The following RBFOX1 variants were observed in gnomAD, a reference collection of about 807,000 sequenced individuals.
RBFOX1 encodes RNA binding protein fox-1 homolog 1.
Under a neutral mutation model 57.7 loss-of-function variants are expected in RBFOX1, and 8 were observed. The observed-to-expected ratio is 0.14, with a 90% CI of 0.08 to 0.25. RBFOX1 has a LOEUF of 0.25. Among genes scored for constraint, RBFOX1 ranks in the 10% least tolerant of loss-of-function variants. The pLI is 1.00. For synonymous variants in RBFOX1, 326 were observed against 222.4 expected (o/e 1.47, Z -4.15); for missense variants, 611 against 548.5 (o/e 1.11, Z -1.14).
intron 2 of RBFOX1, among the ~76,000 whole-genome samples, chr16:6,350,444 G>GAAAAAAAAAAAAAAAAAAAA (rs569363563): frequency 6.7e-5 from 5 of 74,618 alleles, no homozygotes; most frequent in Admixed American, 1.6e-4. Context: ...TCTGTCTCAA[G>GAAAAAAAAAAAAAAAAAAAA]AAAAAAAAAA....
chr16:6,659,562 C>T (rs1056054175), intron 3 of RBFOX1, among the ~76,000 whole-genome samples: 1 of 152,136 alleles, frequency 6.6e-6, no homozygotes, highest in Non-Finnish European at 1.5e-5. Flanking sequence ...GAAGCTCAGG[C>T]ACATTTAAGT....
At chr16:6,902,094 A>G (rs995312850) in intron 3 of RBFOX1, among the ~76,000 whole-genome samples, 2 of 152,184 alleles carry the variant, frequency 1.3e-5, no homozygotes, top group Non-Finnish European at 2.9e-5. Flanking sequence ...ATATTTGTCT[A>G]CATAAAATCA....
intron 2 of RBFOX1, among the ~76,000 whole-genome samples, chr16:6,482,486 T>C (rs933905939): frequency 6.6e-6 from 1 of 152,254 alleles, no homozygotes; most frequent in African/African-American, 2.4e-5. Flanking sequence ...GAAATAGATC[T>C]ATGAGGACTT....
chr16:6,840,737 A>T (rs951231470), intron 3 of RBFOX1, among the ~76,000 whole-genome samples: 1 of 151,952 alleles, frequency 6.6e-6, no homozygotes, highest in Non-Finnish European at 1.5e-5. Flanking sequence ...AAATACAAAA[A>T]TTAGATCAGT....
chr16:6,972,692 G>A (rs1328219688), intron 3 of RBFOX1, among the ~76,000 whole-genome samples: 1 of 152,140 alleles, frequency 6.6e-6, no homozygotes, highest in Non-Finnish European at 1.5e-5. Flanking sequence ...GGCTGGCCTT[G>A]ATAGAGATGG....
chr16:5,858,624 C>G (rs2057130413), intron 3 of RBFOX1, among the ~76,000 whole-genome samples: 1 of 152,176 alleles, frequency 6.6e-6, no homozygotes, highest in Non-Finnish European at 1.5e-5. Flanking sequence ...AATTTTCAAG[C>G]AAGTGCATGT....
At chr16:6,594,936 G>A (rs1241847150) in intron 2 of RBFOX1, among the ~76,000 whole-genome samples, 3 of 152,048 alleles carry the variant, frequency 2.0e-5, no homozygotes, top group South Asian at 2.1e-4. Flanking sequence ...CTACAGGTGC[G>A]TGCCACCACA....
intron 1 of RBFOX1, among the ~76,000 whole-genome samples, chr16:6,202,863 C>T (rs973684073): frequency 7.2e-5 from 11 of 152,140 alleles, no homozygotes; most frequent in East Asian, 3.9e-4. Flanking sequence ...TCAGAGCTCA[C>T]GGCAGCTCAA....
chr16:5,585,258 T>C (rs1184717013), intron 2 of RBFOX1, among the ~76,000 whole-genome samples: 1 of 152,228 alleles, frequency 6.6e-6, no homozygotes, highest in African/African-American at 2.4e-5. Flanking sequence ...AGTAAAATTA[T>C]GCAATGTATG....
Position 7,023,564 on chromosome 16 carries a change from T to TAAAAAAAAAAAA in RBFOX1, c.-15-28474_-15-28463dup, listed in dbSNP as rs34056673. Among the ~76,000 whole-genome samples the TAAAAAAAAAAAA allele has an allele frequency of 1.2e-3, 53 of 43,928 alleles. 4 individuals carry two copies. Among genetic ancestry groups the TAAAAAAAAAAAA allele is most frequent in the Non-Finnish European group, 1.3e-3 (33 of 24,498 alleles). The allele number at this position is 43,928 out of a possible 152,430, so 28.8% of individuals were successfully genotyped here. A position where few individuals can be genotyped will look rare whatever the true frequency, so the allele number is the denominator to read the frequency against. On this transcript the variant is annotated intron_variant, in intron 3 of 15. Coordinates refer to ENST00000550418, the MANE Select transcript of RBFOX1 (RefSeq NM_018723.4). ...CAACATGGTGAAACTTCGTCTGTAC[T>TAAAAAAAAAAAA]AAAAAAAAAAAAAAAAAAAAAAAAA...
rs143539768 is a variant in RBFOX1 at position 7,277,082 on chromosome 16, G to T, written c.27+224984G>T. ...TTAAGAATAGCAAACGTTGTATTTT[G>T]CATTTTTTAAAGAAAGATAATTGAT... On this transcript the variant is annotated intron_variant, in intron 4 of 15. Transcript: ENST00000550418. 5.0e-3 allele frequency among the ~76,000 whole-genome samples: 766 copies of T among 152,180 alleles called. 10 individuals are homozygous for T. Among genetic ancestry groups the T allele is most frequent in the African/African-American group, 0.018 (733 of 41,526 alleles).
intron 4 of RBFOX1, among the ~76,000 whole-genome samples, chr16:7,216,423 G>A (rs143997218): frequency 7.2e-5 from 11 of 152,320 alleles, no homozygotes; most frequent in African/African-American, 2.6e-4. Context: ...GGGAGGCTGA[G>A]GGAGGAGGAT....
Position 5,797,563 on chromosome 16 carries a change from CT to C in RBFOX1, c.319-69738del, listed in dbSNP as rs529202166. 1.1e-3 allele frequency among the ~76,000 whole-genome samples: 161 copies of C among 152,322 alleles called. 1 individual carries two copies. Among genetic ancestry groups the C allele is most frequent in the Non-Finnish European group, 1.8e-3 (125 of 68,026 alleles). On this transcript the variant is annotated intron_variant, in intron 3 of 19. Coordinates refer to the RBFOX1 transcript ENST00000641259. ...ATGAAGTTGACCCTTATTTTATTCA[CT>C]TCTGAGCCCAGCCCTAAGCTGATGC...
At chr16:5,961,198 T>G (rs1030264668) in intron 4 of RBFOX1, among the ~76,000 whole-genome samples, 1 of 152,360 alleles carries the variant, frequency 6.6e-6, no homozygotes, top group Middle Eastern at 3.4e-3. Flanking sequence ...TATTCTATTC[T>G]ATTTTATTCA....
At chr16:6,913,211 A>G (rs2072164016) in intron 3 of RBFOX1, among the ~76,000 whole-genome samples, 1 of 152,106 alleles carries the variant, frequency 6.6e-6, no homozygotes, top group Non-Finnish European at 1.5e-5. Flanking sequence ...AAATGCAAAA[A>G]CAGGGTATCG....
At position 7,709,148 on chromosome 16, in the gene RBFOX1, C is replaced by A. The variant is rs372098682; in HGVS notation, c.1071+17C>A. 6.3e-7 allele frequency: 1 copy of A among 1,595,338 alleles called. No homozygotes were observed. Among genetic ancestry groups the A allele is most frequent in the Non-Finnish European group, 8.6e-7 (1 of 1,163,828 alleles). On this transcript the variant is annotated intron_variant, in intron 15 of 15. Transcript: ENST00000550418. ...GGTGCCATGGTGAGTACAAGTTTCT[C>A]CTTGTCCTCACTTCCTCCTGCCTCC...
At chr16:6,885,302 T>C (rs11642132) in intron 3 of RBFOX1, among the ~76,000 whole-genome samples, 33,982 of 152,164 alleles carry the variant, frequency 0.22, 4,736 homozygotes, top group Admixed American at 0.36. Flanking sequence ...CTATCCTCGC[T>C]GCAGGCAAAC....
At chr16:5,784,282 C>T (rs540543370) in intron 3 of RBFOX1, among the ~76,000 whole-genome samples, 4 of 152,138 alleles carry the variant, frequency 2.6e-5, no homozygotes, top group Non-Finnish European at 5.9e-5. Flanking sequence ...ACAAAATTAG[C>T]TGGGCGTGGT....
chr16:6,685,298 T>A (rs1468598174), intron 3 of RBFOX1, among the ~76,000 whole-genome samples: 1 of 125,702 alleles, frequency 8.0e-6, no homozygotes, highest in African/African-American at 3.1e-5. Flanking sequence ...TTTTTTGAGA[T>A]GGAGTCTCAC....
Sources: gnomAD v4.1 joint callset for allele counts (sites outside exome capture counted in the v4.1 genomes callset) on GRCh38, gnomAD v4.1.1 for gene constraint, MANE v1.5 for transcripts, NCBI Gene and HGNC (gene_info 2026-07-23, HGNC 2026-07-21) for gene names.